NBPF9: variants seen among roughly 807,000 people sequenced by gnomAD.
The protein encoded by NBPF9 is NBPF member 9, also known as NBPF family member NBPF9.
In NBPF9, 91 loss-of-function variants were observed where a neutral mutation model predicts 97.8. The ratio of observed to expected loss-of-function variants is 0.93; its 90% CI spans 0.79 to 1.11. NBPF9 has a LOEUF of 1.11. NBPF9 is among the 50% of genes least tolerant of loss of function. NBPF9 has a pLI of 0.00. For missense variants in NBPF9, 992 were observed against 939.5 expected (o/e 1.06, Z -0.73); for synonymous variants, 334 against 359.5 (o/e 0.93, Z 0.80).
rs781890753 is a variant in NBPF9 at position 149,077,624 on chromosome 1, C to T, written c.567-205G>A. ...TGGGAGCCAGAGAGGAAGAGAGCAGCTGGTGTTCAGTGCACTGGACAGATA... is the reference window on the plus strand; with the variant it reads ...TGGGAGCCAGAGAGGAAGAGAGCAGTTGGTGTTCAGTGCACTGGACAGATA... On this transcript the variant is annotated intron_variant, in intron 10 of 29. Coordinates refer to ENST00000584027, the Ensembl canonical transcript of NBPF9. 3.9e-5 allele frequency among the ~76,000 whole-genome samples: 6 copies of T among 152,324 alleles called. No homozygotes were observed. The Middle Eastern group carries it at 0.01, about 259-fold the overall frequency.
In NBPF9 at chr1:149,082,117, C is replaced by G. The variant is rs782008684; in HGVS notation, c.23G>C (p.Trp8Ser). The G allele has an allele frequency of 2.1e-3, 3,380 of 1,611,646 alleles. 7 individuals are homozygous for G. Among genetic ancestry groups the G allele is most frequent in the Non-Finnish European group, 2.7e-3 (3,144 of 1,179,564 alleles). ...GTTCATCTCTGCCTTCTCGCTGGAC[C>G]AAGGGCCGGCTGATACCACCATGCT... is the stretch of plus-strand genomic sequence containing the variant. Residue 8 changes from tryptophan to serine, a missense_variant, in exon 7 of 30, where the codon TGG (tryptophan) becomes TCG (serine). This residue lies in a region of NBPF9 where 65 missense variants were observed against 52.1 expected (regional missense o/e 1.25). Transcript: ENST00000584027.
At chr1:149,052,737 A>G (rs1369387052), downstream of NBPF9, among the ~76,000 whole-genome samples, 3 of 150,382 alleles carry the variant, frequency 2.0e-5, no homozygotes, top group African/African-American at 7.3e-5. Context: ...CAGCCAATGA[A>G]TAAGGGTGTG....
exon 1 of NBPF9, chr1:149,103,427 T>C (rs2082284413): frequency 1.3e-5 from 2 of 152,390 alleles, no homozygotes; most frequent in African/African-American, 4.8e-5. Context: ...AAGCACCGCG[T>C]TCACTCAGAA....
intron 17 of NBPF9, among the ~76,000 whole-genome samples, chr1:149,068,306 G>A (rs2079160175): frequency 6.6e-6 from 1 of 150,834 alleles, no homozygotes; most frequent in Admixed American, 6.6e-5. Context: ...TGGGCTAAAT[G>A]CCCCAGTTAA....
chr1:149,080,960 G>A (rs1486289762), intron 7 of NBPF9, among the ~76,000 whole-genome samples: 1 of 151,530 alleles, frequency 6.6e-6, no homozygotes, highest in South Asian at 2.1e-4. Flanking sequence ...GAGCCCAGGA[G>A]ACAGGCTGAG....
intron 11 of NBPF9, among the ~76,000 whole-genome samples, chr1:149,076,952 G>A (rs1263859587): frequency 6.6e-6 from 1 of 151,294 alleles, no homozygotes; most frequent in Non-Finnish European, 1.5e-5. Context: ...GCAGCACCAT[G>A]CCTGCCTAAT....
In NBPF9 at chr1:149,077,797, C is replaced by T. The variant is rs1207735380; in HGVS notation, c.566+86G>A. On this transcript the variant is annotated intron_variant, in intron 10 of 29. Transcript: ENST00000584027. ...TGGCCAAGGGGATGCGGGCTTTTGGCCCACCATAGATGCCAGAGAGGGTGT... is the reference window on the plus strand; with the variant it reads ...TGGCCAAGGGGATGCGGGCTTTTGGTCCACCATAGATGCCAGAGAGGGTGT... 7.6e-6 allele frequency: 12 copies of T among 1,573,236 alleles called. 2 individuals carry two copies. In the South Asian group the frequency reaches 1.1e-4, roughly 15 times the overall value.
At chr1:149,055,633 T>A (rs76022554) in exon 30 of NBPF9, 6 of 1,611,582 alleles carry the variant, frequency 3.7e-6, no homozygotes, top group Admixed American at 1.7e-5. Context: ...AGGAATGACA[T>A]CTCTCGGCTT....
At chr1:149,070,494 C>T (rs587601908) in intron 16 of NBPF9, among the ~76,000 whole-genome samples, 234 of 151,652 alleles carry the variant, frequency 1.5e-3, no homozygotes, top group Admixed American at 5.0e-3. Flanking sequence ...GCTAAGCAAG[C>T]TGACTTAAAG....
At chr1:149,065,890 C>T (rs587606839) in intron 17 of NBPF9, 12 of 714,948 alleles carry the variant, frequency 1.7e-5, no homozygotes, top group South Asian at 3.8e-5. Flanking sequence ...AAATGGGCAG[C>T]GTGTGCTCAG....
At chr1:149,071,876 C>T (rs1432321260) in intron 14 of NBPF9, among the ~76,000 whole-genome samples, 200 bp from the exon 15 acceptor site, 1 of 151,730 alleles carries the variant, frequency 6.6e-6, no homozygotes, top group Non-Finnish European at 1.5e-5. Context: ...GGAGGGCCAC[C>T]ATCAACATGT....
intron 17 of NBPF9, among the ~76,000 whole-genome samples, chr1:149,068,198 C>T (rs1428934680): frequency 1.3e-5 from 2 of 149,110 alleles, no homozygotes; most frequent in African/African-American, 5.0e-5. Flanking sequence ...ACCATTGACG[C>T]TAGGAAGAAA....
At chr1:149,084,615 C>T (rs2080838908) in intron 5 of NBPF9, among the ~76,000 whole-genome samples, 1 of 151,018 alleles carries the variant, frequency 6.6e-6, no homozygotes, top group East Asian at 2.0e-4. Context: ...TGGACACCTC[C>T]ATCTACAGCC....
At chr1:149,092,995 C>A (rs2081503994) in intron 4 of NBPF9, among the ~76,000 whole-genome samples, 1 of 151,550 alleles carries the variant, frequency 6.6e-6, no homozygotes, top group South Asian at 2.1e-4. Flanking sequence ...GCCCAGGGGA[C>A]CGGCGTTCAG....
intron 12 of NBPF9, 145 bp from the exon 13 acceptor site, chr1:149,074,015 C>G: frequency 3.4e-6 from 2 of 594,156 alleles, no homozygotes; most frequent in Admixed American, 3.0e-5. Flanking sequence ...CATCTTTACT[C>G]TTCAGTCTCC....
chr1:149,099,057 A>G (rs1440177720), intron 3 of NBPF9, among the ~76,000 whole-genome samples: 6 of 147,056 alleles, frequency 4.1e-5, no homozygotes, highest in East Asian at 2.0e-4. Context: ...AGCCTGGGGG[A>G]AAAAAAAATA....
At chr1:149,061,685 C>T (rs2078603787) in intron 22 of NBPF9, 1 of 229,044 alleles carries the variant, frequency 4.4e-6, no homozygotes, top group African/African-American at 4.3e-5. Flanking sequence ...CAGATGATTT[C>T]TAGGAGGAAA....
chr1:149,067,252 C>CT lies in NBPF9; in HGVS notation c.1638-1564dup, dbSNP rs1209763792. ...GAGAGTGGGAGCAATATTCAACATT[C>CT]TTTTTTTTTTCCATATGTATAGTTT... On this transcript the variant is annotated intron_variant, in intron 17 of 29. Transcript: ENST00000584027. 1.7e-4 allele frequency among the ~76,000 whole-genome samples: 20 copies of CT among 119,950 alleles called. 3 individuals are homozygous for CT. Among genetic ancestry groups the CT allele is most frequent in the Admixed American group, 3.2e-4 (4 of 12,338 alleles). 78.7% of individuals were successfully genotyped at this position (119,950 alleles called of 152,430 possible).
chr1:149,076,663 C>G (rs2079900459), intron 11 of NBPF9, among the ~76,000 whole-genome samples: 1 of 145,878 alleles, frequency 6.9e-6, no homozygotes, highest in Non-Finnish European at 1.5e-5. Flanking sequence ...CCACCACGCC[C>G]AGCTATTTTT....
Sources: gnomAD v4.1 joint callset for allele counts (sites outside exome capture counted in the v4.1 genomes callset) on GRCh38, gnomAD v4.1.1 for gene constraint, gnomAD v4.1.1 regional missense constraint, MANE v1.5 for transcripts, NCBI Gene and HGNC (gene_info 2026-07-23, HGNC 2026-07-21) for gene names.